Variants in MGST1 observed in about 807,000 individuals in gnomAD.
The protein encoded by MGST1 is microsomal glutathione S-transferase 1.
In MGST1, 5 loss-of-function variants were observed where a neutral mutation model predicts 8.9. The observed-to-expected ratio is 0.56, with a 90% CI of 0.29 to 1.19. MGST1 has a LOEUF of 1.19. Among genes scored for constraint, MGST1 ranks in the 50% most tolerant of loss-of-function variants. The pLI is 0.08. For synonymous variants in MGST1, 54 were observed against 67.8 expected, an observed-to-expected ratio of 0.80 and a Z score of 1.00; for missense variants, 182 against 187.4, an observed-to-expected ratio of 0.97 and a Z score of 0.17.
chr12:16,413,058 A>G lies in MGST1; in HGVS notation n.779-24330A>G, dbSNP rs1325851637. On this transcript the variant is annotated intron_variant and non_coding_transcript_variant, in intron 1 of 1. Transcript: ENST00000359720. This position sits in a 1 kb window ranked among gnomAD's most constrained non-coding sequence, Gnocchi z 4.0. ...CCTCAGTCCACCCCACCTGTCCTGGATGGTGATAGTGAAGGTGGTTAATTT... is the reference window on the plus strand; with the variant it reads ...CCTCAGTCCACCCCACCTGTCCTGGGTGGTGATAGTGAAGGTGGTTAATTT... Among the ~76,000 whole-genome samples the G allele has an allele frequency of 6.6e-6, 1 of 152,112 alleles. No individual in the cohort carries two copies. Among genetic ancestry groups the G allele is most frequent in the Non-Finnish European group, 1.5e-5 (1 of 68,014 alleles).
In MGST1 at chr12:16,547,271, C is replaced by A. The variant is rs1941835010; in HGVS notation, n.483-42257C>A. Among the ~76,000 whole-genome samples, 1 of 152,088 alleles carries A rather than the reference C, an allele frequency of 6.6e-6. No individual in the cohort carries two copies. Among genetic ancestry groups the A allele is most frequent in the South Asian group, 2.1e-4 (1 of 4,836 alleles). On this transcript the variant is annotated intron_variant and non_coding_transcript_variant, in intron 4 of 4. Coordinates refer to the MGST1 transcript ENST00000538857. This position sits in a 1 kb window ranked among gnomAD's most constrained non-coding sequence, Gnocchi z 4.6. ...GTTGCAAACAACGAATAAAGAGAGG[C>A]AGCTTCATTTATAACCGCTATTTCA...
chr12:16,556,032 G>A (rs1035830746), intron 4 of MGST1, among the ~76,000 whole-genome samples: 1 of 151,690 alleles, frequency 6.6e-6, no homozygotes, highest in Non-Finnish European at 1.5e-5. Context: ...CCGTAGCTCC[G>A]GACACCTCTA....
intron 1 of MGST1, among the ~76,000 whole-genome samples, chr12:16,386,497 T>A (rs1319167703): frequency 2.0e-5 from 3 of 152,200 alleles, no homozygotes; most frequent in African/African-American, 7.2e-5. Context: ...CTTGCATCAT[T>A]AAACTTTTCC....
intron 4 of MGST1, among the ~76,000 whole-genome samples, chr12:16,579,621 C>T (rs1486298596): frequency 6.6e-6 from 1 of 152,106 alleles, no homozygotes; most frequent in Non-Finnish European, 1.5e-5. Context: ...TGGTGGAATC[C>T]TTTAGTTGAA....
chr12:16,437,076 A>T (rs1292977921), intron 1 of MGST1, among the ~76,000 whole-genome samples: 3 of 151,956 alleles, frequency 2.0e-5, no homozygotes, highest in African/African-American at 7.2e-5. Flanking sequence ...GAAAGACAAG[A>T]TTACTGAAGC....
intron 4 of MGST1, among the ~76,000 whole-genome samples, chr12:16,475,711 T>C (rs1321848947): frequency 6.6e-6 from 1 of 152,172 alleles, no homozygotes; most frequent in East Asian, 1.9e-4. Context: ...CTGGAATGAT[T>C]AGTGGCTCTT....
chr12:16,554,617 C>T (rs1237768074), intron 4 of MGST1, among the ~76,000 whole-genome samples: 1 of 152,208 alleles, frequency 6.6e-6, no homozygotes, highest in Non-Finnish European at 1.5e-5. Flanking sequence ...TCTTGCTATA[C>T]ATTATTCAAA....
At chr12:16,450,242 C>A (rs1256910004) in intron 4 of MGST1, among the ~76,000 whole-genome samples, 1 of 151,876 alleles carries the variant, frequency 6.6e-6, no homozygotes, top group Non-Finnish European at 1.5e-5. Context: ...ACGGATAACC[C>A]TTAGGGTGTC....
rs1269740574 is a variant in MGST1 at position 16,535,655 on chromosome 12, G to GAT, written n.483-53865_483-53864dup. On this transcript the variant is annotated intron_variant and non_coding_transcript_variant, in intron 4 of 4. Transcript: ENST00000538857. ...TTTCATTAGAAAAAAGTATGATATTGATATATATAAAGCAGCAACAATATA... is the reference window on the plus strand; with the variant it reads ...TTTCATTAGAAAAAAGTATGATATTGATATATATATAAAGCAGCAACAATATA... Among the ~76,000 whole-genome samples, 3 of 152,066 alleles carry GAT rather than the reference G, an allele frequency of 2.0e-5. No individual in the cohort carries two copies. The East Asian group carries it at 5.8e-4, about 29-fold the overall frequency.
intron 4 of MGST1, among the ~76,000 whole-genome samples, chr12:16,486,112 C>T (rs984526110): frequency 3.3e-5 from 5 of 152,192 alleles, no homozygotes; most frequent in South Asian, 2.1e-4. Context: ...AATGGGACCT[C>T]GCTGAGGCCT....
intron 1 of MGST1, among the ~76,000 whole-genome samples, chr12:16,402,963 T>A (rs909161929): frequency 1.3e-5 from 2 of 150,090 alleles, no homozygotes; most frequent in Admixed American, 6.7e-5. Flanking sequence ...CTCTATATAT[T>A]TATTATTATT....
At chr12:16,567,277 G>C (rs1026825095) in intron 4 of MGST1, 2 of 159,486 alleles carry the variant, frequency 1.3e-5, no homozygotes, top group Non-Finnish European at 2.7e-5. Context: ...ATGGTATTGA[G>C]AGAAAGCTGA....
At chr12:16,397,627 T>C (rs1206375128) in intron 1 of MGST1, among the ~76,000 whole-genome samples, 1 of 151,476 alleles carries the variant, frequency 6.6e-6, no homozygotes, top group African/African-American at 2.4e-5. Flanking sequence ...GCTAAGGACA[T>C]GAATAGACAA....
chr12:16,521,242 C>G (rs1941647076), intron 4 of MGST1, among the ~76,000 whole-genome samples: 1 of 152,076 alleles, frequency 6.6e-6, no homozygotes, highest in Non-Finnish European at 1.5e-5. Flanking sequence ...AGTAGACTAT[C>G]TTGTCAGAAT....
chr12:16,563,452 A>C (rs147621310), intron 4 of MGST1, among the ~76,000 whole-genome samples: 2 of 152,288 alleles, frequency 1.3e-5, no homozygotes, highest in East Asian at 3.9e-4. Flanking sequence ...ATTTTCATAT[A>C]TGTCAATTAA....
In MGST1 at chr12:16,400,729, A is replaced by G. The variant is rs989241661; in HGVS notation, n.778+17125A>G. 3.8e-6 allele frequency: 5 copies of G among 1,312,124 alleles called. No homozygotes were observed. In the African/African-American group the frequency reaches 5.8e-5, roughly 15 times the overall value. 81.3% of individuals were successfully genotyped at this position (1,312,124 alleles called of 1,614,324 possible). A position where few individuals can be genotyped will look rare whatever the true frequency, so the allele number is the denominator to read the frequency against. Reference sequence around the variant, plus strand: ...AATAAAAGTTGATTTGCAAGTAAGTATAATCTCCTTCCACGGACATACTTA... The same window carrying G: ...AATAAAAGTTGATTTGCAAGTAAGTGTAATCTCCTTCCACGGACATACTTA... On this transcript the variant is annotated intron_variant and non_coding_transcript_variant, in intron 1 of 1. Transcript: ENST00000359720.
chr12:16,434,735 CT>C (rs1369432363), intron 1 of MGST1, among the ~76,000 whole-genome samples: 4 of 151,620 alleles, frequency 2.6e-5, no homozygotes, highest in Non-Finnish European at 5.9e-5. Context: ...ATTCAGTTCC[CT>C]TTGGGGAATT....
intron 4 of MGST1, among the ~76,000 whole-genome samples, chr12:16,519,184 G>C (rs1215340133): frequency 6.6e-6 from 1 of 152,090 alleles, no homozygotes; most frequent in Non-Finnish European, 1.5e-5. Flanking sequence ...AAGCAGAACT[G>C]GTAATATTTT....
chr12:16,481,149 A>C (rs1218309406), intron 4 of MGST1, among the ~76,000 whole-genome samples: 1 of 152,168 alleles, frequency 6.6e-6, no homozygotes, highest in East Asian at 1.9e-4. Context: ...AAACAAAAAA[A>C]GCCCTCACTT....
Sources: allele counts gnomAD v4.1 joint callset (sites outside exome capture counted in the v4.1 genomes callset), GRCh38; gene constraint gnomAD v4.1.1; non-coding constraint Gnocchi (gnomAD v3.1); transcripts MANE v1.5; gene names NCBI Gene and HGNC (gene_info 2026-07-23, HGNC 2026-07-21).